The following CSNK1G3 variants were observed in gnomAD, a reference collection of about 807,000 sequenced individuals.
CSNK1G3 encodes casein kinase 1 gamma 3, also known as casein kinase I isoform gamma-3.
CSNK1G3 carries 23 observed loss-of-function variants against 64.3 expected under a neutral mutation model. The ratio of observed to expected loss-of-function variants is 0.36; its 90% CI spans 0.26 to 0.51. The LOEUF (loss-of-function observed/expected upper bound fraction) is 0.51, where lower values mean the gene tolerates loss of function less well. Among genes scored for constraint, CSNK1G3 ranks in the 20% least tolerant of loss-of-function variants. The probability of loss-of-function intolerance (pLI) is 0.96; values close to 1 mark genes in which losing one functional copy is unlikely to be tolerated. For synonymous variants in CSNK1G3, 158 were observed against 162.2 expected (o/e 0.97, Z 0.20); for missense variants, 357 against 510.5 (o/e 0.70, Z 2.90).
intron 4 of CSNK1G3, among the ~76,000 whole-genome samples, chr5:123,571,037 T>G (rs911678795): frequency 6.6e-6 from 1 of 152,168 alleles, no homozygotes; most frequent in African/African-American, 2.4e-5. Context: ...TTCTCCACCT[T>G]TACACATGTG....
chr5:123,558,627 G>A (rs916724464), intron 4 of CSNK1G3, among the ~76,000 whole-genome samples: 1 of 152,100 alleles, frequency 6.6e-6, no homozygotes, highest in African/African-American at 2.4e-5. Flanking sequence ...AGTCATTGTA[G>A]GGGCAATAAG....
At chr5:123,603,622 C>A (rs1794858735) in intron 10 of CSNK1G3, among the ~76,000 whole-genome samples, 2 of 152,106 alleles carry the variant, frequency 1.3e-5, no homozygotes, top group South Asian at 4.1e-4. Flanking sequence ...AACATAATTT[C>A]TGTGCTGTGT....
intron 10 of CSNK1G3, among the ~76,000 whole-genome samples, chr5:123,602,946 A>G (rs1259162231): frequency 6.6e-6 from 1 of 152,118 alleles, no homozygotes; most frequent in East Asian, 1.9e-4. Context: ...ATTAGATGCT[A>G]CTGTTCACCA....
chr5:123,605,313 A>ATTT (rs748895349), intron 11 of CSNK1G3, 26 bp from the exon 13 acceptor site: 8 of 1,195,522 alleles, frequency 6.7e-6, no homozygotes, highest in East Asian at 2.9e-5. Context: ...TTTTCCTTGT[A>ATTT]TTTTTTTTTT....
At chr5:123,577,412 TAC>T (rs764940451) in intron 6 of CSNK1G3, among the ~76,000 whole-genome samples, 29 of 152,170 alleles carry the variant, frequency 1.9e-4, no homozygotes, top group African/African-American at 6.0e-4. Flanking sequence ...TACGTATGTA[TAC>T]ACACACACAG....
intron 12 of CSNK1G3, among the ~76,000 whole-genome samples, chr5:123,613,348 A>G (rs2151278413): frequency 6.6e-6 from 1 of 151,770 alleles, no homozygotes; most frequent in South Asian, 2.1e-4. Context: ...TAGATCAAAC[A>G]TTCCTCCTGC....
chr5:123,527,095 G>T (rs1402158531), intron 1 of CSNK1G3, among the ~76,000 whole-genome samples: 1 of 152,078 alleles, frequency 6.6e-6, no homozygotes, highest in Non-Finnish European at 1.5e-5. Context: ...TTGTTAGCTT[G>T]ATTGCACACC....
chr5:123,512,601 G>C (rs1367436424), intron 1 of CSNK1G3, 31 bp downstream of exon 1: 3 of 150,166 alleles, frequency 2.0e-5, no homozygotes, highest in African/African-American at 4.9e-5. Flanking sequence ...GTGCTCCGCT[G>C]CCAGCCCCGG....
intron 4 of CSNK1G3, among the ~76,000 whole-genome samples, chr5:123,562,914 A>G (rs995616517): frequency 3.9e-5 from 6 of 152,062 alleles, no homozygotes; most frequent in Non-Finnish European, 8.8e-5. Flanking sequence ...TTTACTTGAA[A>G]GTAAGTATAT....
At chr5:123,542,197 A>T (rs556530401) in intron 1 of CSNK1G3, among the ~76,000 whole-genome samples, 3 of 152,192 alleles carry the variant, frequency 2.0e-5, no homozygotes, top group Non-Finnish European at 4.4e-5. Flanking sequence ...AGAGCTAATT[A>T]ACATATGCAT....
At chr5:123,595,040 C>G in intron 10 of CSNK1G3, 2 of 1,613,174 alleles carry the variant, frequency 1.2e-6, no homozygotes, top group Non-Finnish European at 1.7e-6. Context: ...AAATGGCAGT[C>G]GGCAGACCAC....
chr5:123,523,955 T>A (rs552140914), intron 1 of CSNK1G3, among the ~76,000 whole-genome samples: 2 of 152,226 alleles, frequency 1.3e-5, no homozygotes, highest in Non-Finnish European at 2.9e-5. Context: ...ATATGGTGTA[T>A]ACCCACTGTA....
At chr5:123,523,145 T>TCTA (rs10642432) in intron 1 of CSNK1G3, among the ~76,000 whole-genome samples, 91,471 of 151,706 alleles carry the variant, frequency 0.6, 28,840 homozygotes, top group African/African-American at 0.79. Flanking sequence ...TAACTGCACT[T>TCTA]CTGCTTTCTT....
At chr5:123,608,108 G>A (rs1325532968) in intron 12 of CSNK1G3, among the ~76,000 whole-genome samples, 1 of 151,990 alleles carries the variant, frequency 6.6e-6, no homozygotes, top group East Asian at 1.9e-4. Flanking sequence ...TTTCTAAATT[G>A]CATCTTATAC....
chr5:123,574,819 G>T (rs1359615408), intron 5 of CSNK1G3, among the ~76,000 whole-genome samples: 1 of 152,100 alleles, frequency 6.6e-6, no homozygotes, highest in Non-Finnish European at 1.5e-5. Context: ...GTGAGACCCT[G>T]TCCCTGCCCC....
At chr5:123,607,505 C>A (rs1795558725) in intron 12 of CSNK1G3, among the ~76,000 whole-genome samples, 2 of 152,004 alleles carry the variant, frequency 1.3e-5, no homozygotes, top group Admixed American at 1.3e-4. Context: ...ACACAAAAGG[C>A]CACATGTTAT....
chr5:123,576,011 C>A, intron 6 of CSNK1G3, 48 bp downstream of exon 6: 1 of 1,213,840 alleles, frequency 8.2e-7, no homozygotes, highest in Non-Finnish European at 1.2e-6. Context: ...AGCAGCTGTG[C>A]TAACACTGTG....
intron 6 of CSNK1G3, among the ~76,000 whole-genome samples, chr5:123,583,199 A>G (rs1487503469): frequency 6.6e-6 from 1 of 152,188 alleles, no homozygotes; most frequent in Non-Finnish European, 1.5e-5. Flanking sequence ...TTTTACATGT[A>G]TAGTATTTTA....
In CSNK1G3 at chr5:123,604,929, A is replaced by G. The variant is rs557992964; in HGVS notation, c.1193+99A>G. 8.2e-5 allele frequency: 73 copies of G among 892,664 alleles called. 1 individual carries two copies. The South Asian group carries it at 1.2e-3, about 14-fold the overall frequency. 55.3% of individuals were successfully genotyped at this position (892,664 alleles called of 1,614,324 possible). ...ACAATTATTTCAGGAAATTTTTTTC[A>G]GGGAATAGGTGCATGCAAAACAAGT... On this transcript the variant is annotated intron_variant, in intron 11 of 12. Coordinates refer to ENST00000345990, the Ensembl canonical transcript of CSNK1G3.
Sources: allele counts gnomAD v4.1 joint callset (sites outside exome capture counted in the v4.1 genomes callset), GRCh38; gene constraint gnomAD v4.1.1; transcripts MANE v1.5; gene names NCBI Gene and HGNC (gene_info 2026-07-23, HGNC 2026-07-21).